The following MRPL47 variants were observed in gnomAD, a reference collection of about 807,000 sequenced individuals.
MRPL47 encodes mitochondrial ribosomal protein L47.
MRPL47 carries 31 observed loss-of-function variants against 34.0 expected under a neutral mutation model. That is an observed-to-expected ratio of 0.91 (90% CI 0.68 to 1.23). The LOEUF (loss-of-function observed/expected upper bound fraction) is 1.23. Ranked by LOEUF, MRPL47 falls within the 50% of genes most tolerant of loss-of-function variation. MRPL47 has a pLI of 0.00. For synonymous variants in MRPL47, 106 were observed against 101.6 expected, an observed-to-expected ratio of 1.04 and a Z score of -0.26; for missense variants, 328 against 285.8, an observed-to-expected ratio of 1.15 and a Z score of -1.07.
intron 6 of MRPL47, among the ~76,000 whole-genome samples, chr3:179,591,884 G>A (rs1482073900): frequency 6.6e-6 from 1 of 152,000 alleles, no homozygotes; most frequent in Non-Finnish European, 1.5e-5. Flanking sequence ...CCAGGCTGGA[G>A]TGCAGTGGTG....
At chr3:179,595,942 T>C (rs1287053840) in intron 4 of MRPL47, among the ~76,000 whole-genome samples, 1 of 152,222 alleles carries the variant, frequency 6.6e-6, no homozygotes, top group Non-Finnish European at 1.5e-5. Context: ...CACATGTTTT[T>C]AAAAGAGACA....
Position 179,593,899 on chromosome 3 carries a change from A to C in MRPL47, c.403-4T>G, listed in dbSNP as rs773731253. ...ATGCATCCATGGAATCTACTACCTG[A>C]AAAGAGAATAGAAAGATACAATTTC... On this transcript the variant is annotated splice_region_variant and splice_polypyrimidine_tract_variant and intron_variant, in intron 4 of 6. Transcript: ENST00000476781. The C allele has an allele frequency of 2.5e-5, 41 of 1,608,370 alleles. No individual in the cohort carries two copies. Among genetic ancestry groups the C allele is most frequent in the Non-Finnish European group, 3.2e-5 (38 of 1,177,824 alleles).
intron 3 of MRPL47, 121 bp downstream of exon 3, chr3:179,601,609 C>T (rs1192531137): frequency 1.5e-6 from 1 of 659,220 alleles, no homozygotes; most frequent in Non-Finnish European, 2.7e-6. Flanking sequence ...GATTTATCAT[C>T]CATAGTACTA....
At chr3:179,595,354 C>T (rs1419059206) in intron 4 of MRPL47, among the ~76,000 whole-genome samples, 1 of 152,160 alleles carries the variant, frequency 6.6e-6, no homozygotes, top group African/African-American at 2.4e-5. Flanking sequence ...TGGCCCATAA[C>T]CTGCTCAGTT....
chr3:179,598,427 A>ACACAC (rs1445696121), intron 4 of MRPL47, among the ~76,000 whole-genome samples: 901 of 49,058 alleles, frequency 0.018, 17 homozygotes, highest in African/African-American at 0.079. Flanking sequence ...CACACACACA[A>ACACAC]ACAAAAAAAA....
chr3:179,592,163 A>G (rs1342864899), intron 6 of MRPL47, among the ~76,000 whole-genome samples: 3 of 151,056 alleles, frequency 2.0e-5, no homozygotes, highest in Admixed American at 6.6e-5. Flanking sequence ...GTGAGCTTAT[A>G]TATGACTTCA....
chr3:179,598,946 CT>C (rs935253917), intron 3 of MRPL47, among the ~76,000 whole-genome samples, 175 bp from the exon 4 acceptor site: 2 of 151,960 alleles, frequency 1.3e-5, no homozygotes, highest in African/African-American at 2.4e-5. Flanking sequence ...ATCGCTTGAC[CT>C]TGGGAGTTCA....
chr3:179,600,831 G>A lies in MRPL47; in HGVS notation c.305+899C>T, dbSNP rs59476714. Among the ~76,000 whole-genome samples the A allele has an allele frequency of 9.8e-3, 1,487 of 152,170 alleles. 26 individuals are homozygous for A. Among genetic ancestry groups the A allele is most frequent in the African/African-American group, 0.034 (1,395 of 41,498 alleles). On this transcript the variant is annotated intron_variant, in intron 3 of 6. Transcript: ENST00000476781. ...CATGTAGGAATGCAGGGCCGGTGTT[G>A]CCAAATCACAGGTCTCATTATTCAA...
chr3:179,594,368 C>T (rs1358143718), intron 4 of MRPL47, among the ~76,000 whole-genome samples: 1 of 152,214 alleles, frequency 6.6e-6, no homozygotes, highest in Non-Finnish European at 1.5e-5. Flanking sequence ...GCAGTCCATC[C>T]AGATATGAAT....
intron 1 of MRPL47, among the ~76,000 whole-genome samples, chr3:179,603,004 T>A (rs552086538): frequency 1.3e-5 from 2 of 152,156 alleles, no homozygotes; most frequent in Middle Eastern, 6.8e-3. Flanking sequence ...ACTCCTGGGC[T>A]CAAGTGATCC....
At chr3:179,589,985 T>A (rs946467508) in intron 6 of MRPL47, among the ~76,000 whole-genome samples, 4 of 152,172 alleles carry the variant, frequency 2.6e-5, no homozygotes, top group Admixed American at 1.3e-4. Context: ...AACAAAATCA[T>A]TAGAATATGT....
chr3:179,603,130 T>C (rs546606185), intron 1 of MRPL47, among the ~76,000 whole-genome samples: 2 of 152,332 alleles, frequency 1.3e-5, no homozygotes, highest in East Asian at 3.9e-4. Context: ...TAGAAGCTGC[T>C]ACCTTATAAT....
intron 4 of MRPL47, among the ~76,000 whole-genome samples, chr3:179,597,593 G>C (rs1425420718): frequency 6.6e-6 from 1 of 152,122 alleles, no homozygotes; most frequent in Non-Finnish European, 1.5e-5. Context: ...CAGATCACGA[G>C]GTCAGGAGTT....
chr3:179,600,511 A>T (rs773168166), intron 3 of MRPL47, among the ~76,000 whole-genome samples: 31 of 152,138 alleles, frequency 2.0e-4, no homozygotes, highest in Non-Finnish European at 2.6e-4. Flanking sequence ...GCATGGCAGC[A>T]TGAGCCTATA....
intron 3 of MRPL47, among the ~76,000 whole-genome samples, chr3:179,598,979 C>G (rs1370353747): frequency 6.6e-6 from 1 of 151,798 alleles, no homozygotes; most frequent in East Asian, 1.9e-4. Context: ...GGCAACACAG[C>G]TAGAAAAAAT....
rs1270817113 is a variant in MRPL47 at position 179,588,572 on chromosome 3, C to G, written c.*300G>C. 4.6e-6 allele frequency: 1 copy of G among 217,214 alleles called. No individual in the cohort carries two copies. Among genetic ancestry groups the G allele is most frequent in the African/African-American group, 2.3e-5 (1 of 43,668 alleles). The allele number at this position is 217,214 out of a possible 1,614,324, so 13.5% of individuals were successfully genotyped here. A position where few individuals can be genotyped will look rare whatever the true frequency, so the allele number is the denominator to read the frequency against. ...TTCAAATTCAAAAACTACGGTATTG[C>G]CTTTGCTGTGGCAGTTACCATCACC... On this transcript the variant is annotated 3_prime_UTR_variant, in exon 7 of 7. Coordinates refer to ENST00000476781, the MANE Select transcript of MRPL47 (RefSeq NM_020409.3).
rs1191605445 is a variant in MRPL47, at chr3:179,602,599, G to C, written c.244+53C>G. ...TCCTAGAACGATGGTTGGGCGGGGC[G>C]GGGGGGGGGGTTCCATAAATATATC... is the stretch of plus-strand genomic sequence containing the variant. On this transcript the variant is annotated intron_variant, in intron 2 of 6. Transcript: ENST00000476781. 81 of 114,758 alleles carry C rather than the reference G, an allele frequency of 7.1e-4. 1 individual carries two copies. Among genetic ancestry groups the C allele is most frequent in the East Asian group, 1.5e-3 (6 of 4,036 alleles). The allele number at this position is 114,758 out of a possible 1,614,324, so 7.1% of individuals were successfully genotyped here.
intron 1 of MRPL47, among the ~76,000 whole-genome samples, chr3:179,603,815 T>C (rs930585240): frequency 6.6e-6 from 1 of 152,150 alleles, no homozygotes; most frequent in Non-Finnish European, 1.5e-5. Context: ...AAAAAATAGT[T>C]AACGACCTGA....
intron 6 of MRPL47, among the ~76,000 whole-genome samples, chr3:179,590,066 G>C (rs759960057): frequency 1.3e-5 from 2 of 152,182 alleles, no homozygotes; most frequent in African/African-American, 2.4e-5. Flanking sequence ...GTCATGGACA[G>C]GTGCAGTGGC....
Sources: allele counts gnomAD v4.1 joint callset (sites outside exome capture counted in the v4.1 genomes callset), GRCh38; gene constraint gnomAD v4.1.1; transcripts MANE v1.5; gene names NCBI Gene and HGNC (gene_info 2026-07-23, HGNC 2026-07-21).